Variants in ASAP2 observed in about 807,000 individuals in gnomAD.
ASAP2 encodes the protein ArfGAP with SH3 domain, ankyrin repeat and PH domain 2, also known as arf-GAP with SH3 domain, ANK repeat and PH domain-containing protein 2.
ASAP2 carries 45 observed loss-of-function variants against 131.4 expected under a neutral mutation model. The observed-to-expected ratio is 0.34, with a 90% CI of 0.27 to 0.44. ASAP2 has a LOEUF of 0.44. Among genes scored for constraint, ASAP2 ranks in the 20% least tolerant of loss-of-function variants. ASAP2 has a pLI of 1.00. For synonymous variants in ASAP2, 510 were observed against 503.0 expected, an observed-to-expected ratio of 1.01 and a Z score of -0.19; for missense variants, 1,011 against 1,297.0, an observed-to-expected ratio of 0.78 and a Z score of 3.39.
chr2:9,393,689 C>T, intron 24 of ASAP2, 42 bp downstream of exon 24: 5 of 1,530,884 alleles, frequency 3.3e-6, no homozygotes, highest in Non-Finnish European at 3.5e-6. Flanking sequence ...TGCTCCTGCC[C>T]TCTGACCTCA....
chr2:9,393,352 T>C, intron 23 of ASAP2, 130 bp from the exon 24 acceptor site: 1 of 827,730 alleles, frequency 1.2e-6, no homozygotes, highest in Non-Finnish European at 1.8e-6. Context: ...GGCAAGGAAA[T>C]AGCAGCAGGT....
At chr2:9,234,797 C>A (rs2148042105) in intron 1 of ASAP2, among the ~76,000 whole-genome samples, 1 of 152,272 alleles carries the variant, frequency 6.6e-6, no homozygotes, top group South Asian at 2.1e-4. Context: ...GCCTGGAGCC[C>A]ACTTCCGGCC....
intron 16 of ASAP2, among the ~76,000 whole-genome samples, chr2:9,370,126 C>G (rs1673830655): frequency 6.6e-6 from 1 of 152,222 alleles, no homozygotes; most frequent in South Asian, 2.1e-4. Context: ...ACATGAGCCA[C>G]TGTACCTGGC....
At chr2:9,309,590 G>T (rs184074124) in intron 3 of ASAP2, among the ~76,000 whole-genome samples, 1 of 152,294 alleles carries the variant, frequency 6.6e-6, no homozygotes, top group East Asian at 1.9e-4. Context: ...ATATCCATGT[G>T]TCATAGCATA....
At chr2:9,286,441 A>ATATATATATAT (rs1175112143) in intron 2 of ASAP2, among the ~76,000 whole-genome samples, 1 of 130,122 alleles carries the variant, frequency 7.7e-6, no homozygotes, top group African/African-American at 3.2e-5. Flanking sequence ...AAAAAGGAAA[A>ATATATATATAT]AAAAAAATAT....
chr2:9,401,755 C>G (rs1035859675), intron 27 of ASAP2, among the ~76,000 whole-genome samples: 2 of 152,256 alleles, frequency 1.3e-5, no homozygotes, highest in East Asian at 3.8e-4. Flanking sequence ...GAGCGCAGAG[C>G]CCCAGGCCTG....
chr2:9,342,198 A>ATCG (rs1444446355), intron 9 of ASAP2, among the ~76,000 whole-genome samples: 1 of 152,244 alleles, frequency 6.6e-6, no homozygotes, highest in Non-Finnish European at 1.5e-5. Context: ...AGGACCCAGA[A>ATCG]TCGTCAAAAC....
chr2:9,317,295 A>G (rs1033487499), intron 3 of ASAP2, among the ~76,000 whole-genome samples: 2 of 149,560 alleles, frequency 1.3e-5, no homozygotes, highest in Non-Finnish European at 3.0e-5. Flanking sequence ...ACACCCTCAC[A>G]ATCACAGCCC....
Position 9,207,203 on chromosome 2 carries a change from C to T in ASAP2, c.99C>T (p.Cys33=). ...ASSFTTRTAQ[C]RNTVAAIEEA... The stretch of plus-strand genomic sequence containing the variant: ...GCTTCACCACCCGCACGGCGCAGTG[C>T]CGGAACACTGTGGCGGCCATCGAGG... Residue 33 remains cysteine (C), a synonymous_variant, in exon 1 of 28, where the codon TGC becomes TGT. Transcript: ENST00000281419. This position sits in a 1 kb window ranked among gnomAD's most constrained non-coding sequence, Gnocchi z 4.1. 6.2e-7 allele frequency: 1 copy of T among 1,600,202 alleles called. No homozygotes were observed. The highest frequency in any genetic ancestry group is 1.1e-5 in the South Asian group (1 of 89,490).
At chr2:9,361,265 G>A (rs1248093593) in intron 15 of ASAP2, among the ~76,000 whole-genome samples, 1 of 152,198 alleles carries the variant, frequency 6.6e-6, no homozygotes, top group Non-Finnish European at 1.5e-5. Context: ...ATCAGGAAAA[G>A]TAGAGACAGC....
chr2:9,393,921 C>G (rs767143551), intron 24 of ASAP2, among the ~76,000 whole-genome samples: 3 of 152,224 alleles, frequency 2.0e-5, no homozygotes, highest in African/African-American at 7.2e-5. Context: ...TGCTCACCCC[C>G]CAGGTGGTCT....
At chr2:9,272,569 C>G (rs1188702889) in intron 1 of ASAP2, among the ~76,000 whole-genome samples, 1 of 149,112 alleles carries the variant, frequency 6.7e-6, no homozygotes, top group Non-Finnish European at 1.5e-5. Flanking sequence ...TTGATATGAT[C>G]CCATTTATCT....
chr2:9,304,109 G>A (rs1016557191), intron 3 of ASAP2, among the ~76,000 whole-genome samples: 3 of 152,126 alleles, frequency 2.0e-5, no homozygotes, highest in African/African-American at 7.2e-5. Flanking sequence ...GTGACTCCCC[G>A]CCCTGAGCCC....
rs199776366 is a variant in ASAP2, at chr2:9,258,331, AGTT to A, written c.127-20982_127-20980del. Among the ~76,000 whole-genome samples, 378 of 121,504 alleles carry A rather than the reference AGTT, an allele frequency of 3.1e-3. 6 individuals are homozygous for A. The highest frequency in any genetic ancestry group is 0.013 in the African/African-American group (328 of 25,896). 79.7% of individuals were successfully genotyped at this position (121,504 alleles called of 152,430 possible). ...ATTCACAGTATTGATAGTAATCAGT[AGTT>A]GTTTTTTTTTTTTTTTTTTGAGACT... On this transcript the variant is annotated intron_variant, in intron 1 of 27. Transcript: ENST00000281419.
At chr2:9,375,282 C>CAA (rs112027475) in intron 17 of ASAP2, among the ~76,000 whole-genome samples, 1 of 149,536 alleles carries the variant, frequency 6.7e-6, no homozygotes, top group African/African-American at 2.5e-5. Context: ...GACCTTGTCT[C>CAA]AAAAAAAAAG....
At chr2:9,254,251 A>AT (rs2148155384) in intron 1 of ASAP2, among the ~76,000 whole-genome samples, 1 of 110,822 alleles carries the variant, frequency 9.0e-6, no homozygotes, top group African/African-American at 3.9e-5. Flanking sequence ...ATATATATAT[A>AT]TATACACGTG....
chr2:9,342,205 A>G (rs1401818647), intron 9 of ASAP2, among the ~76,000 whole-genome samples: 1 of 152,220 alleles, frequency 6.6e-6, no homozygotes, highest in African/African-American at 2.4e-5. Context: ...AGAATCGTCA[A>G]AACAATCCTG....
At chr2:9,342,701 T>C (rs549255867) in intron 9 of ASAP2, among the ~76,000 whole-genome samples, 31 of 152,368 alleles carry the variant, frequency 2.0e-4, no homozygotes, top group African/African-American at 7.2e-4. Flanking sequence ...GAATCTTTTT[T>C]CAAACTCAGA....
chr2:9,306,761 C>T (rs1395767450), intron 3 of ASAP2, among the ~76,000 whole-genome samples: 1 of 152,090 alleles, frequency 6.6e-6, no homozygotes, highest in Non-Finnish European at 1.5e-5. Context: ...TGGGAACTTT[C>T]AGCCGTTTGG....
Sources: gnomAD v4.1 joint callset for allele counts (sites outside exome capture counted in the v4.1 genomes callset) on GRCh38, gnomAD v4.1.1 for gene constraint, Gnocchi (gnomAD v3.1) non-coding constraint, MANE v1.5 for transcripts, NCBI Gene and HGNC (gene_info 2026-07-23, HGNC 2026-07-21) for gene names.